The following AKAP13 variants were observed in gnomAD, a reference collection of about 807,000 sequenced individuals.
AKAP13 encodes the protein A-kinase anchoring protein 13.
In AKAP13, 80 loss-of-function variants were observed where a neutral mutation model predicts 264.5. The observed-to-expected ratio is 0.30, with a 90% CI of 0.25 to 0.36. AKAP13 has a LOEUF of 0.36. AKAP13 is among the 10% of genes least tolerant of loss of function. AKAP13 has a pLI of 1.00. For synonymous variants in AKAP13, 1,380 were observed against 1,250.2 expected (o/e 1.10, Z -2.19); for missense variants, 3,712 against 3,435.2 (o/e 1.08, Z -2.01).
chr15:85,644,860 G>T lies in AKAP13; in HGVS notation c.4238-958G>T, dbSNP rs570566060. ...ACTCAGTAATGGACTTGGGTTCTTGGTTTCACCATCCACAAATCTCTTTAA... is the reference window on the plus strand; with the variant it reads ...ACTCAGTAATGGACTTGGGTTCTTGTTTTCACCATCCACAAATCTCTTTAA... On this transcript the variant is annotated intron_variant, in intron 9 of 36. Transcript: ENST00000394518. 3.6e-3 allele frequency among the ~76,000 whole-genome samples: 541 copies of T among 152,212 alleles called. 3 individuals are homozygous for T. Among genetic ancestry groups the T allele is most frequent in the Non-Finnish European group, 5.3e-3 (359 of 68,008 alleles).
chr15:85,686,439 A>G (rs182065389), intron 16 of AKAP13, among the ~76,000 whole-genome samples: 1 of 152,302 alleles, frequency 6.6e-6, no homozygotes. Context: ...AATACATTCA[A>G]AGAAATTTTT....
intron 20 of AKAP13, among the ~76,000 whole-genome samples, chr15:85,716,217 A>T (rs1040446647): frequency 2.6e-5 from 4 of 152,128 alleles, no homozygotes; most frequent in African/African-American, 9.7e-5. Flanking sequence ...TTTAGATCAA[A>T]ATAAGTAGGA....
At position 85,532,325 on chromosome 15, in the gene AKAP13, A is replaced by G. The variant is rs144614612; in HGVS notation, c.182-1259A>G. On this transcript the variant is annotated intron_variant, in intron 3 of 36. Coordinates refer to ENST00000394518, the MANE Select transcript of AKAP13 (RefSeq NM_007200.5). ...ATTGTCTCTTTCAAAGACAGCAGAA[A>G]GCTTAGTTCATTCCAAGTCTGAAAC... Among the ~76,000 whole-genome samples, 10 of 152,366 alleles carry G rather than the reference A, an allele frequency of 6.6e-5. 1 individual carries two copies. Among genetic ancestry groups the G allele is most frequent in the African/African-American group, 2.4e-4 (10 of 41,580 alleles).
chr15:85,580,680 A>C lies in AKAP13; in HGVS notation c.2612A>C (p.Glu871Ala). Residue 871 changes from glutamate (E) to alanine (A), a missense_variant, in exon 7 of 37, where the codon GAG becomes GCG. Physicochemically the swap from Glu to Ala is moderately radical, Grantham distance 107. This residue lies in a region of AKAP13 where 2,759 missense variants were observed against 2,411.7 expected (regional missense o/e 1.14). Coordinates refer to ENST00000394518, the MANE Select transcript of AKAP13 (RefSeq NM_007200.5). The stretch of plus-strand genomic sequence containing the variant: ...ACCAGTCTCACAGGACTTGGTGGAG[A>C]GCATGAGGGTCCCGCCCCTCCAGCA... ...GNTSLTGLGG[E>A]HEGPAPPAIP... is the part of the protein sequence containing the mutation. 1 of 1,614,156 alleles carries C rather than the reference A, an allele frequency of 6.2e-7. No homozygotes were observed. Among genetic ancestry groups the C allele is most frequent in the South Asian group, 1.1e-5 (1 of 91,082 alleles).
At chr15:85,715,703 T>G in intron 19 of AKAP13, 85 bp from the exon 20 acceptor site, 1 of 944,628 alleles carries the variant, frequency 1.1e-6, no homozygotes, top group Non-Finnish European at 1.5e-6. Context: ...GTAAAGCGCC[T>G]TACTTCTGCT....
chr15:85,521,790 C>G (rs909654168), intron 3 of AKAP13, among the ~76,000 whole-genome samples: 1 of 152,044 alleles, frequency 6.6e-6, no homozygotes, highest in Admixed American at 6.6e-5. Context: ...ACTGTTATGT[C>G]GGCCACCTAC....
intron 2 of AKAP13, among the ~76,000 whole-genome samples, chr15:85,497,138 T>G (rs2075893353): frequency 6.6e-6 from 1 of 152,200 alleles, no homozygotes; most frequent in South Asian, 2.1e-4. Flanking sequence ...TTGGTACTAG[T>G]GAAGAGGAGT....
intron 17 of AKAP13, among the ~76,000 whole-genome samples, chr15:85,705,454 A>G (rs1164571384): frequency 6.6e-6 from 1 of 152,190 alleles, no homozygotes; most frequent in Non-Finnish European, 1.5e-5. Context: ...ATAAAACAAA[A>G]GAAAAAAAAT....
chr15:85,569,309 A>G (rs1452488021), intron 5 of AKAP13, among the ~76,000 whole-genome samples: 1 of 152,132 alleles, frequency 6.6e-6, no homozygotes, highest in Non-Finnish European at 1.5e-5. Context: ...AGAGGACTGA[A>G]TGCAGAGAAT....
At position 85,722,355 on chromosome 15, in the gene AKAP13, T is replaced by C. The variant is rs2087337359; in HGVS notation, c.6496+8T>C. 1.9e-6 allele frequency: 3 copies of C among 1,600,984 alleles called. No individual in the cohort carries two copies. The highest frequency in any genetic ancestry group is 8.5e-7 in the Non-Finnish European group (1 of 1,173,190). On this transcript the variant is annotated splice_region_variant and intron_variant, in intron 25 of 36. Transcript: ENST00000394518. ...TATTGCAGTGTACCAAAGGTAAGTC[T>C]CCTTTCTAACTCGGTCTTGTATGGT...
At chr15:85,533,233 T>C (rs986662716) in intron 3 of AKAP13, among the ~76,000 whole-genome samples, 18 of 152,228 alleles carry the variant, frequency 1.2e-4, no homozygotes, top group African/African-American at 3.9e-4. Context: ...TCATATGCTA[T>C]GCCTTGAAGG....
chr15:85,628,051 C>CT (rs2081513200), intron 8 of AKAP13, among the ~76,000 whole-genome samples: 1 of 152,116 alleles, frequency 6.6e-6, no homozygotes, highest in Non-Finnish European at 1.5e-5. Context: ...ATTTGTGTAC[C>CT]TATTGTATTA....
intron 25 of AKAP13, among the ~76,000 whole-genome samples, chr15:85,722,639 A>T (rs2087360549): frequency 6.6e-6 from 1 of 152,184 alleles, no homozygotes. Context: ...TATTCCCAGA[A>T]GTGCTAGAAT....
intron 19 of AKAP13, among the ~76,000 whole-genome samples, chr15:85,712,611 T>A (rs2086691866): frequency 6.6e-6 from 1 of 151,934 alleles, no homozygotes; most frequent in African/African-American, 2.4e-5. Flanking sequence ...TGGCACAATC[T>A]CCACTCACTG....
Position 85,708,163 on chromosome 15 carries a change from G to A in AKAP13, c.5532+77G>A. ...AAAATCCTCGGGAGTTGGGAGAGTT[G>A]AGGTTGTGGTGGATTTTGTTTATTT... On this transcript the variant is annotated intron_variant, in intron 18 of 36. Coordinates refer to ENST00000394518, the MANE Select transcript of AKAP13 (RefSeq NM_007200.5). This position sits in a 1 kb window ranked among gnomAD's most constrained non-coding sequence, Gnocchi z 4.3. 7.2e-7 allele frequency: 1 copy of A among 1,385,192 alleles called. No individual in the cohort carries two copies. The highest frequency in any genetic ancestry group is 1.0e-6 in the Non-Finnish European group (1 of 997,432). 85.8% of individuals were successfully genotyped at this position (1,385,192 alleles called of 1,614,324 possible). A position where few individuals can be genotyped will look rare whatever the true frequency, so the allele number is the denominator to read the frequency against.
intron 1 of AKAP13, among the ~76,000 whole-genome samples, chr15:85,465,229 G>A (rs968599274): frequency 3.3e-5 from 5 of 151,904 alleles, no homozygotes; most frequent in Non-Finnish European, 7.4e-5. Flanking sequence ...TGGGATTACA[G>A]GCGTGAGCCA....
In AKAP13 at chr15:85,630,190, CACACACACACACACACACATCAT is replaced by C. The variant is rs1270998654; in HGVS notation, c.4162-9183_4162-9161del. Among the ~76,000 whole-genome samples, 229 of 78,146 alleles carry C rather than the reference CACACACACACACACACACATCAT, an allele frequency of 2.9e-3. 1 individual carries two copies. The highest frequency in any genetic ancestry group is 8.5e-3 in the Admixed American group (65 of 7,630). 51.3% of individuals were successfully genotyped at this position (78,146 alleles called of 152,430 possible). On this transcript the variant is annotated intron_variant, in intron 8 of 36. Transcript: ENST00000394518. ...ATACACACACACACACACACACACA[CACACACACACACACACACATCAT>C]GAACTAAGATGGAAAATTGTAACAC...
At chr15:85,607,085 C>G (rs1311836328) in intron 8 of AKAP13, among the ~76,000 whole-genome samples, 1 of 147,260 alleles carries the variant, frequency 6.8e-6, no homozygotes, top group East Asian at 2.0e-4. Flanking sequence ...TTTTTTGAGA[C>G]TTAACTCTTC....
chr15:85,395,204 A>T (rs933002959), intron 1 of AKAP13, among the ~76,000 whole-genome samples: 2 of 152,212 alleles, frequency 1.3e-5, no homozygotes, highest in Non-Finnish European at 2.9e-5. Context: ...ATAGCTTGGC[A>T]TGTATATTTA....
Sources: allele counts gnomAD v4.1 joint callset (sites outside exome capture counted in the v4.1 genomes callset), GRCh38; gene constraint gnomAD v4.1.1; regional missense constraint gnomAD v4.1.1; non-coding constraint Gnocchi (gnomAD v3.1); transcripts MANE v1.5; gene names NCBI Gene and HGNC (gene_info 2026-07-23, HGNC 2026-07-21).